Variants in TCOF1 observed in about 807,000 individuals in gnomAD.
TCOF1 encodes the protein treacle protein.
A neutral mutation model predicts 149.0 loss-of-function variants in TCOF1; 33 were observed. The observed-to-expected ratio is 0.22, with a 90% CI of 0.17 to 0.30. The LOEUF is 0.30. Ranked by LOEUF, TCOF1 falls within the 10% of genes least tolerant of loss-of-function variation. TCOF1 has a pLI of 1.00. For missense variants in TCOF1, 1,728 were observed against 1,840.7 expected (o/e 0.94, Z 1.12); for synonymous variants, 789 against 738.8 (o/e 1.07, Z -1.10).
At chr5:150,359,518 G>A (rs1214437845) in intron 1 of TCOF1, among the ~76,000 whole-genome samples, 1 of 152,176 alleles carries the variant, frequency 6.6e-6, no homozygotes, top group Admixed American at 6.5e-5. Context: ...AGTATCCTAA[G>A]TAGTCAGATC....
intron 17 of TCOF1, chr5:150,379,933 A>G (rs891961261): frequency 1.7e-6 from 1 of 587,678 alleles, no homozygotes. Context: ...TTAGCTGGGC[A>G]TGGTGGCGGG....
At chr5:150,363,708 G>A (rs576823332) in intron 2 of TCOF1, among the ~76,000 whole-genome samples, 5 of 152,294 alleles carry the variant, frequency 3.3e-5, no homozygotes, top group East Asian at 1.9e-4. Flanking sequence ...CTCTTGGGGG[G>A]CTACATTAAA....
chr5:150,391,932 A>G, intron 20 of TCOF1, 25 bp from the exon 21 acceptor site: 1 of 1,613,090 alleles, frequency 6.2e-7, no homozygotes, highest in Non-Finnish European at 8.5e-7. Flanking sequence ...TTTTCCTTCC[A>G]TTCCTTCTCC....
At chr5:150,366,149 G>A (rs960142628) in intron 3 of TCOF1, among the ~76,000 whole-genome samples, 1 of 148,754 alleles carries the variant, frequency 6.7e-6, no homozygotes, top group African/African-American at 2.5e-5. Context: ...AAGAGTCCTC[G>A]TTGGCATCCT....
At position 150,376,233 on chromosome 5, in the gene TCOF1, T is replaced by G. The variant is rs1345521328; in HGVS notation, c.2045T>G (p.Val682Gly). 5.6e-6 allele frequency: 9 copies of G among 1,614,178 alleles called. No individual in the cohort carries two copies. The highest frequency in any genetic ancestry group is 7.6e-6 in the Non-Finnish European group (9 of 1,180,016). ...TCTCCAGCAGGCTCATCCCCAGCTG[T>G]GGCTGGGGGCACCCAGAGACCAGCA... ...ATSPAGSSPA[V>G]AGGTQRPAED... Residue 682 changes from valine (V) to glycine (G), a missense_variant, in exon 13 of 27, where the codon GTG becomes GGG. Coordinates refer to ENST00000643257, the MANE Select transcript of TCOF1 (RefSeq NM_001371623.1).
At chr5:150,396,954 C>T (rs572076512) in intron 24 of TCOF1, 112 bp downstream of exon 24, 1 of 1,304,122 alleles carries the variant, frequency 7.7e-7, no homozygotes, top group East Asian at 2.5e-5. Context: ...AAAAGAGAGG[C>T]TGAGACCAGC....
At chr5:150,364,365 A>C in intron 3 of TCOF1, 113 bp downstream of exon 3, 1 of 1,477,138 alleles carries the variant, frequency 6.8e-7, no homozygotes, top group African/African-American at 1.4e-5. Context: ...CCTGGGGAGG[A>C]GATTGGGAGG....
chr5:150,383,138 C>T (rs1360892110), intron 17 of TCOF1: 6 of 1,535,932 alleles, frequency 3.9e-6, no homozygotes, highest in Admixed American at 3.9e-5. Context: ...GAGGGGTCCT[C>T]GGAGAGCAGT....
At position 150,375,372 on chromosome 5, in the gene TCOF1, C is replaced by T. The variant is rs1340850886; in HGVS notation, c.1522C>T (p.Pro508Ser). 1 of 1,612,268 alleles carries T rather than the reference C, an allele frequency of 6.2e-7. No homozygotes were observed. The highest frequency in any genetic ancestry group is 1.7e-5 in the Admixed American group (1 of 60,022). The change falls in exon 11 of 27, where the codon CCT (proline) becomes TCT (serine). Residue 508 changes from proline to serine, a missense_variant. Coordinates refer to ENST00000643257, the MANE Select transcript of TCOF1 (RefSeq NM_001371623.1). ...CTTGGGGAAAAGCCCCCAGGTGAAA[C>T]CTGCCTCTACCATGGGCATGGGGCC... ...KPLGKSPQVK[P>S]ASTMGMGPLG...
intron 20 of TCOF1, 62 bp downstream of exon 20, chr5:150,391,719 G>A: frequency 6.7e-7 from 1 of 1,486,636 alleles, no homozygotes; most frequent in African/African-American, 1.4e-5. Flanking sequence ...GCGTGGCCCT[G>A]CATCGCGGCA....
At chr5:150,369,492 A>G in intron 5 of TCOF1, 37 bp from the exon 6 acceptor site, 1 of 1,613,140 alleles carries the variant, frequency 6.2e-7, no homozygotes, top group Non-Finnish European at 8.5e-7. Flanking sequence ...GAGGCTGGAA[A>G]GGGAGTCCCT....
intron 15 of TCOF1, 91 bp downstream of exon 15, chr5:150,379,133 T>C: frequency 5.0e-6 from 8 of 1,613,748 alleles, no homozygotes; most frequent in Non-Finnish European, 6.8e-6. Context: ...GGTGCGTGCA[T>C]GGGCAGGCCA....
chr5:150,398,228 G>A, intron 24 of TCOF1, 126 bp from the exon 25 acceptor site: 1 of 1,571,902 alleles, frequency 6.4e-7, no homozygotes, highest in Non-Finnish European at 8.6e-7. Context: ...CGCCCTGCTG[G>A]CCTGTTGTGA....
intron 23 of TCOF1, 152 bp from the exon 24 acceptor site, chr5:150,396,130 C>A: frequency 1.2e-6 from 1 of 841,500 alleles, no homozygotes. Context: ...AGGAGACCAG[C>A]TGGGGCAGAG....
At chr5:150,368,156 G>A (rs1050360479) in intron 4 of TCOF1, 2 of 520,444 alleles carry the variant, frequency 3.8e-6, no homozygotes, top group Non-Finnish European at 3.5e-6. Flanking sequence ...TTCTACACCT[G>A]GGGTAGGCGA....
intron 17 of TCOF1, chr5:150,385,051 A>C: frequency 1.0e-6 from 1 of 985,458 alleles, no homozygotes; most frequent in African/African-American, 1.7e-5. Context: ...GACAGCTTCC[A>C]GATTTAAAAA....
At position 150,357,737 on chromosome 5, in the gene TCOF1, G is replaced by C. The variant is rs1391971567; in HGVS notation, c.-10G>C. 7.8e-6 allele frequency: 12 copies of C among 1,547,974 alleles called. No homozygotes were observed. Among genetic ancestry groups the C allele is most frequent in the Non-Finnish European group, 1.0e-5 (12 of 1,146,182 alleles). ...GCGTGCAGGTAGCCGGCCGGCCGGG[G>C]GTCGCGGGTATGGCCGAGGCCAGGA... On this transcript the variant is annotated 5_prime_UTR_variant, in exon 1 of 27. Transcript: ENST00000643257.
chr5:150,367,735 CA>C, intron 3 of TCOF1, 108 bp from the exon 4 acceptor site: 1 of 1,290,018 alleles, frequency 7.8e-7, no homozygotes, highest in Non-Finnish European at 1.1e-6. Flanking sequence ...CTCATGCCAG[CA>C]CCAGGCAGCC....
chr5:150,372,130 G>A lies in TCOF1; in HGVS notation c.764G>A (p.Gly255Glu). The change falls in exon 7 of 27, where the codon GGG becomes GAG. Residue 255 changes from glycine (G) to glutamate (E), a missense_variant. Around this residue, in one of 2 missense-constraint regions of TCOF1, gnomAD observed 1,696 missense variants for 1,765.4 expected, o/e 0.96. Coordinates refer to ENST00000643257, the MANE Select transcript of TCOF1 (RefSeq NM_001371623.1). Reference sequence around the variant, plus strand: ...GATGTGACACCCCAGGTCAAAGGAGGGGCCCTGCCCCCAGCCAAGAGGGCC... The same window carrying A: ...GATGTGACACCCCAGGTCAAAGGAGAGGCCCTGCCCCCAGCCAAGAGGGCC... The part of the protein sequence containing the change: ...VGDVTPQVKG[G>E]ALPPAKRAKK... 3 of 1,614,214 alleles carry A rather than the reference G, an allele frequency of 1.9e-6. No homozygotes were observed. The highest frequency in any genetic ancestry group is 2.5e-6 in the Non-Finnish European group (3 of 1,180,034).
Sources: gnomAD v4.1 joint callset for allele counts (sites outside exome capture counted in the v4.1 genomes callset) on GRCh38, gnomAD v4.1.1 for gene constraint, gnomAD v4.1.1 regional missense constraint, MANE v1.5 for transcripts, NCBI Gene and HGNC (gene_info 2026-07-23, HGNC 2026-07-21) for gene names.